CTNNA2: variants seen among roughly 807,000 people sequenced by gnomAD.
The protein encoded by CTNNA2 is catenin alpha 2, also known as catenin alpha-2.
A neutral mutation model predicts 101.0 loss-of-function variants in CTNNA2; 42 were observed. That is an observed-to-expected ratio of 0.42 (90% confidence interval 0.32 to 0.54). The LOEUF (loss-of-function observed/expected upper bound fraction) is 0.54, where lower values mean the gene tolerates loss of function less well. CTNNA2 is among the 20% of genes least tolerant of loss of function. The pLI is 0.14. For synonymous variants in CTNNA2, 450 were observed against 456.4 expected, an observed-to-expected ratio of 0.99 and a Z score of 0.18; for missense variants, 871 against 1,223.1, an observed-to-expected ratio of 0.71 and a Z score of 4.29.
At chr2:80,423,411 A>T (rs1351208208) in intron 9 of CTNNA2, among the ~76,000 whole-genome samples, 1 of 152,080 alleles carries the variant, frequency 6.6e-6, no homozygotes, top group Non-Finnish European at 1.5e-5. Flanking sequence ...ATATACTCAA[A>T]ACTTATATAT....
chr2:79,283,028 A>T (rs1223451043), intron 2 of CTNNA2, among the ~76,000 whole-genome samples: 1 of 86,540 alleles, frequency 1.2e-5, no homozygotes, highest in Non-Finnish European at 2.8e-5. Flanking sequence ...GCATTTTTTC[A>T]TGTGTTTTTT....
intron 9 of CTNNA2, among the ~76,000 whole-genome samples, chr2:80,504,406 C>A (rs949300959): frequency 6.6e-6 from 1 of 152,166 alleles, no homozygotes; most frequent in Non-Finnish European, 1.5e-5. Flanking sequence ...CCAGGATCAT[C>A]TCTTTTGCTT....
intron 1 of CTNNA2, among the ~76,000 whole-genome samples, chr2:79,567,278 T>G (rs1351408830): frequency 6.6e-6 from 1 of 151,602 alleles, no homozygotes; most frequent in East Asian, 1.9e-4. Flanking sequence ...CTAATGGATT[T>G]TATCTCTTCT....
At chr2:80,571,535 A>C (rs1033466156) in intron 12 of CTNNA2, among the ~76,000 whole-genome samples, 2 of 152,192 alleles carry the variant, frequency 1.3e-5, no homozygotes, top group Non-Finnish European at 2.9e-5. Flanking sequence ...AGTGGTATAT[A>C]TCCTTTTAGA....
intron 7 of CTNNA2, among the ~76,000 whole-genome samples, chr2:79,968,055 G>C (rs1366784961): frequency 3.3e-5 from 5 of 152,150 alleles, no homozygotes; most frequent in Non-Finnish European, 7.4e-5. Flanking sequence ...TGAGGAAAGG[G>C]AGAAATGGGA....
intron 6 of CTNNA2, among the ~76,000 whole-genome samples, chr2:79,874,597 G>T (rs1052502249): frequency 6.6e-6 from 1 of 152,248 alleles, no homozygotes; most frequent in Non-Finnish European, 1.5e-5. Flanking sequence ...GAGGTGGGTG[G>T]ATCACCTGAG....
chr2:79,553,850 C>A (rs1168268923), intron 1 of CTNNA2, among the ~76,000 whole-genome samples: 1 of 152,112 alleles, frequency 6.6e-6, no homozygotes, highest in Non-Finnish European at 1.5e-5. Flanking sequence ...TTGGGGCTCA[C>A]AAAGAATTTT....
intron 9 of CTNNA2, among the ~76,000 whole-genome samples, chr2:80,446,446 C>T (rs1683080053): frequency 6.6e-6 from 1 of 152,202 alleles, no homozygotes; most frequent in African/African-American, 2.4e-5. Context: ...AGACTATATG[C>T]TAGAATATAA....
intron 3 of CTNNA2, among the ~76,000 whole-genome samples, chr2:79,358,543 G>T (rs1439830968): frequency 6.6e-6 from 1 of 152,078 alleles, no homozygotes; most frequent in South Asian, 2.1e-4. Context: ...TATCTGTAAA[G>T]AAACAAGCAT....
intron 2 of CTNNA2, among the ~76,000 whole-genome samples, chr2:79,295,322 C>T (rs967043994): frequency 6.6e-6 from 1 of 152,022 alleles, no homozygotes; most frequent in East Asian, 1.9e-4. Flanking sequence ...AAATTAAACA[C>T]CCTGAATTGG....
At chr2:79,827,139 A>G (rs768098458) in intron 3 of CTNNA2, among the ~76,000 whole-genome samples, 6 of 152,056 alleles carry the variant, frequency 3.9e-5, no homozygotes, top group East Asian at 1.9e-4. Flanking sequence ...CCCAGGTTCA[A>G]GTGATTCTTA....
intron 3 of CTNNA2, among the ~76,000 whole-genome samples, chr2:79,756,958 A>T (rs1432722462): frequency 2.0e-5 from 3 of 152,226 alleles, no homozygotes; most frequent in Non-Finnish European, 4.4e-5. Flanking sequence ...GATCTCATTC[A>T]TTCAGATGCA....
At chr2:79,976,488 C>T (rs1690851415) in intron 7 of CTNNA2, among the ~76,000 whole-genome samples, 1 of 152,184 alleles carries the variant, frequency 6.6e-6, no homozygotes, top group African/African-American at 2.4e-5. Context: ...GCAAAAGTGT[C>T]TTCTTCAGGC....
At chr2:79,762,057 G>C (rs79221522) in intron 3 of CTNNA2, among the ~76,000 whole-genome samples, 1 of 152,080 alleles carries the variant, frequency 6.6e-6, no homozygotes, top group East Asian at 1.9e-4. Context: ...GGGCTTCGTC[G>C]TTAATTAGGC....
chr2:80,338,354 TAA>T (rs1330888899), intron 7 of CTNNA2, among the ~76,000 whole-genome samples: 31 of 151,560 alleles, frequency 2.0e-4, no homozygotes, highest in African/African-American at 7.3e-4. Flanking sequence ...GAGAAAGGAT[TAA>T]AAGAGGGAAT....
chr2:79,576,888 C>G (rs1290808933), intron 1 of CTNNA2, among the ~76,000 whole-genome samples: 2 of 152,132 alleles, frequency 1.3e-5, no homozygotes, highest in African/African-American at 2.4e-5. Flanking sequence ...GAAAGGCCTA[C>G]TAAAAACTAT....
At chr2:80,624,502 A>C (rs921207472) in intron 18 of CTNNA2, among the ~76,000 whole-genome samples, 13 of 151,946 alleles carry the variant, frequency 8.6e-5, no homozygotes, top group African/African-American at 3.1e-4. Context: ...ACTAGAAAGG[A>C]ATTTTACATT....
chr2:80,614,147 A>C (rs1573459190), intron 17 of CTNNA2, among the ~76,000 whole-genome samples: 1 of 151,596 alleles, frequency 6.6e-6, no homozygotes, highest in East Asian at 1.9e-4. Flanking sequence ...AATTAGCAGT[A>C]ATACTTTTTG....
intron 9 of CTNNA2, among the ~76,000 whole-genome samples, chr2:80,474,373 A>G (rs57806151): frequency 0.61 from 58,604 of 96,068 alleles, 12,401 homozygotes; most frequent in East Asian, 0.79. Flanking sequence ...TAAGGAGAGA[A>G]TGGAGGTGGG....
Sources: allele counts gnomAD v4.1 joint callset (sites outside exome capture counted in the v4.1 genomes callset), GRCh38; gene constraint gnomAD v4.1.1; transcripts MANE v1.5; gene names NCBI Gene and HGNC (gene_info 2026-07-23, HGNC 2026-07-21).